Variants in RIMS2 observed in about 807,000 individuals in gnomAD.
RIMS2 encodes regulating synaptic membrane exocytosis 2.
Under a neutral mutation model 174.4 loss-of-function variants are expected in RIMS2, and 59 were observed. The observed-to-expected ratio is 0.34, with a 90% CI of 0.27 to 0.42. The LOEUF (loss-of-function observed/expected upper bound fraction) is 0.42, where lower values mean the gene tolerates loss of function less well. RIMS2 is among the 10% of genes least tolerant of loss of function. RIMS2 has a pLI of 1.00. For synonymous variants in RIMS2, 606 were observed against 572.5 expected (o/e 1.06, Z -0.84); for missense variants, 1,620 against 1,666.3 (o/e 0.97, Z 0.48).
Position 103,648,156 on chromosome 8 carries a change from T to C in RIMS2, c.177-48930T>C, listed in dbSNP as rs189803530. On this transcript the variant is annotated intron_variant, in intron 1 of 23. Transcript: ENST00000504942. ...TAGTTTCAAAGAACTTTCTTATTTT[T>C]CCCTTAATTTCATTATTTACACAGG... Among the ~76,000 whole-genome samples the C allele has an allele frequency of 3.3e-5, 5 of 152,240 alleles. No individual in the cohort carries two copies. In the East Asian group the frequency reaches 9.6e-4, roughly 29 times the overall value.
At position 103,576,512 on chromosome 8, in the gene RIMS2, A is replaced by G. The variant is rs527919592; in HGVS notation, c.176+75450A>G. On this transcript the variant is annotated intron_variant, in intron 1 of 23. Coordinates refer to ENST00000504942, the Ensembl canonical transcript of RIMS2. ...GAAACCAGTGGCTGACCCTAACGAGACAGCCATATGTGAACTCTCTTAAGA... is the reference window on the plus strand; with the variant it reads ...GAAACCAGTGGCTGACCCTAACGAGGCAGCCATATGTGAACTCTCTTAAGA... 9.8e-5 allele frequency among the ~76,000 whole-genome samples: 15 copies of G among 152,358 alleles called. No homozygotes were observed. In the South Asian group the frequency reaches 3.1e-3, roughly 32 times the overall value.
At chr8:104,110,205 G>A (rs2098154162) in intron 19 of RIMS2, among the ~76,000 whole-genome samples, 1 of 152,084 alleles carries the variant, frequency 6.6e-6, no homozygotes, top group Admixed American at 6.6e-5. Flanking sequence ...GATCTAAATT[G>A]CCCAGTATTA....
At chr8:103,520,264 G>A (rs1831000286) in intron 1 of RIMS2, among the ~76,000 whole-genome samples, 1 of 152,072 alleles carries the variant, frequency 6.6e-6, no homozygotes, top group Non-Finnish European at 1.5e-5. Context: ...TGAATTTTAG[G>A]CTACTTTTTC....
intron 1 of RIMS2, among the ~76,000 whole-genome samples, chr8:103,630,597 AAAAAG>A (rs1460817079): frequency 6.6e-6 from 1 of 151,148 alleles, no homozygotes; most frequent in Admixed American, 6.6e-5. Context: ...AAAAAAAAAA[AAAAAG>A]AAACAAAGAT....
intron 19 of RIMS2, among the ~76,000 whole-genome samples, chr8:104,117,821 A>C (rs1215789156): frequency 3.3e-5 from 5 of 152,232 alleles, no homozygotes; most frequent in African/African-American, 1.2e-4. Context: ...TTCTGACATG[A>C]TATCTACATA....
At chr8:103,977,147 T>C (rs1177030269) in intron 16 of RIMS2, 1 of 152,212 alleles carries the variant, frequency 6.6e-6, no homozygotes, top group African/African-American at 2.4e-5. Flanking sequence ...CTAAGACAGC[T>C]TTAGATTTAT....
chr8:103,856,811 G>GTTT (rs560595152), intron 3 of RIMS2, among the ~76,000 whole-genome samples: 3 of 148,032 alleles, frequency 2.0e-5, no homozygotes, highest in African/African-American at 7.5e-5. Context: ...CTTTTTTTTT[G>GTTT]TTTTTTTTTC....
intron 19 of RIMS2, among the ~76,000 whole-genome samples, chr8:104,129,924 A>G (rs1305765769): frequency 6.6e-6 from 1 of 152,238 alleles, no homozygotes; most frequent in Non-Finnish European, 1.5e-5. Context: ...TAAAACATTT[A>G]TTAGGAAGGT....
chr8:104,141,458 G>T (rs952753953), intron 19 of RIMS2, among the ~76,000 whole-genome samples: 1 of 152,172 alleles, frequency 6.6e-6, no homozygotes, highest in Non-Finnish European at 1.5e-5. Flanking sequence ...AGATAGCCAT[G>T]ATCTCTCCAA....
chr8:103,810,075 A>G (rs577473336), intron 3 of RIMS2, among the ~76,000 whole-genome samples: 26 of 152,284 alleles, frequency 1.7e-4, no homozygotes, highest in African/African-American at 6.0e-4. Flanking sequence ...GAATACATTT[A>G]AGGGCAGCAA....
intron 2 of RIMS2, among the ~76,000 whole-genome samples, chr8:103,708,520 G>C (rs1260616932): frequency 6.6e-6 from 1 of 152,120 alleles, no homozygotes; most frequent in Non-Finnish European, 1.5e-5. Flanking sequence ...GTGCCTTTTT[G>C]TGTAGATAGT....
intron 1 of RIMS2, among the ~76,000 whole-genome samples, chr8:103,630,855 A>G (rs1269856788): frequency 6.6e-6 from 1 of 152,208 alleles, no homozygotes; most frequent in Non-Finnish European, 1.5e-5. Context: ...ATATCATTCT[A>G]ATGAGCAGTG....
chr8:103,555,597 G>A (rs1004627930), intron 1 of RIMS2, among the ~76,000 whole-genome samples: 3 of 151,920 alleles, frequency 2.0e-5, no homozygotes, highest in South Asian at 2.1e-4. Flanking sequence ...CGCAATTCCC[G>A]AGATATGGAA....
chr8:103,771,147 G>A (rs1253017989), intron 3 of RIMS2, among the ~76,000 whole-genome samples: 1 of 152,124 alleles, frequency 6.6e-6, no homozygotes, highest in East Asian at 1.9e-4. Context: ...TATCAAGTTG[G>A]CTCTAAACCT....
chr8:104,148,897 A>G (rs1176010925), intron 19 of RIMS2, 49 bp downstream of exon 25: 1 of 1,557,614 alleles, frequency 6.4e-7, no homozygotes, highest in Admixed American at 1.7e-5. Context: ...TTGTCATTAC[A>G]AGATATATTT....
At chr8:103,891,008 G>A (rs2099241504) in intron 4 of RIMS2, among the ~76,000 whole-genome samples, 1 of 151,950 alleles carries the variant, frequency 6.6e-6, no homozygotes, top group East Asian at 1.9e-4. Flanking sequence ...CCTAATCACA[G>A]TTGTGACAGC....
At chr8:104,008,532 C>T (rs2095660825) in intron 17 of RIMS2, among the ~76,000 whole-genome samples, 1 of 150,664 alleles carries the variant, frequency 6.6e-6, no homozygotes, top group Admixed American at 6.6e-5. Flanking sequence ...GTATATGTTA[C>T]TGTTCAGTAT....
intron 19 of RIMS2, among the ~76,000 whole-genome samples, chr8:104,030,468 G>A (rs1164007387): frequency 2.0e-5 from 3 of 152,100 alleles, no homozygotes; most frequent in Non-Finnish European, 4.4e-5. Context: ...AGATTAAATG[G>A]TGGCCAGTGA....
chr8:103,883,045 T>C (rs2099176297), intron 3 of RIMS2, among the ~76,000 whole-genome samples: 1 of 151,672 alleles, frequency 6.6e-6, no homozygotes, highest in Non-Finnish European at 1.5e-5. Flanking sequence ...GTATCAATAT[T>C]GTAAAATCAT....
Sources: gnomAD v4.1 joint callset for allele counts (sites outside exome capture counted in the v4.1 genomes callset) on GRCh38, gnomAD v4.1.1 for gene constraint, MANE v1.5 for transcripts, NCBI Gene and HGNC (gene_info 2026-07-23, HGNC 2026-07-21) for gene names.